The following GLYAT variants were observed in gnomAD, a reference collection of about 807,000 sequenced individuals.
GLYAT encodes glycine N-acyltransferase.
A neutral mutation model predicts 22.8 loss-of-function variants in GLYAT; 25 were observed. The ratio of observed to expected loss-of-function variants is 1.09; its 90% CI spans 0.80 to 1.53. GLYAT has a LOEUF of 1.53. GLYAT is among the 40% of genes most tolerant of loss of function. The probability of loss-of-function intolerance (pLI) is 0.00; values close to 1 mark genes in which losing one functional copy is unlikely to be tolerated. For synonymous variants in GLYAT, 140 were observed against 122.7 expected, an observed-to-expected ratio of 1.14 and a Z score of -0.93; for missense variants, 411 against 353.9, an observed-to-expected ratio of 1.16 and a Z score of -1.29.
At chr11:58,717,870 T>C (rs1237827424) in intron 2 of GLYAT, among the ~76,000 whole-genome samples, 1 of 152,082 alleles carries the variant, frequency 6.6e-6, no homozygotes, top group African/African-American at 2.4e-5. Flanking sequence ...CTTTGTTCCA[T>C]AGGAGGAGTC....
At chr11:58,724,801 T>G (rs1798579486) in intron 1 of GLYAT, among the ~76,000 whole-genome samples, 2 of 152,146 alleles carry the variant, frequency 1.3e-5, no homozygotes, top group South Asian at 4.1e-4. Context: ...TTAGTTGCTA[T>G]TAGTGATTCT....
At chr11:58,720,653 G>A (rs1856738099) in intron 2 of GLYAT, among the ~76,000 whole-genome samples, 1 of 152,022 alleles carries the variant, frequency 6.6e-6, no homozygotes, top group Middle Eastern at 3.2e-3. Flanking sequence ...AGGATTAGAA[G>A]TTATGGTGAT....
In GLYAT at chr11:58,710,000, C is replaced by G. The variant is rs1248750210; in HGVS notation, c.657G>C (p.Trp219Cys). The change falls in exon 6 of 6, where the codon TGG (tryptophan) becomes TGC (cysteine). Residue 219 changes from tryptophan to cysteine, a missense_variant. By Grantham distance (215) the Trp-to-Cys change is radical. Transcript: ENST00000344743. ...LLGPEGTPVC[W>C]DLMDQTGEMR... Reference sequence around the variant, plus strand: ...TCTCTCCAGTCTGGTCCATTAGATCCCAGCACACAGGGGTCCCCTCAGGCC... The same window carrying G: ...TCTCTCCAGTCTGGTCCATTAGATCGCAGCACACAGGGGTCCCCTCAGGCC... The G allele has an allele frequency of 1.9e-6, 3 of 1,613,980 alleles. No individual in the cohort carries two copies. Among genetic ancestry groups the G allele is most frequent in the Non-Finnish European group, 2.5e-6 (3 of 1,179,984 alleles).
At chr11:58,726,398 G>T (rs1397971047) in intron 1 of GLYAT, among the ~76,000 whole-genome samples, 1 of 152,120 alleles carries the variant, frequency 6.6e-6, no homozygotes, top group African/African-American at 2.4e-5. Context: ...GGCAGTAGTA[G>T]CCAGCCAGGT....
intron 2 of GLYAT, among the ~76,000 whole-genome samples, chr11:58,719,892 A>T (rs1245813647): frequency 6.6e-6 from 1 of 152,048 alleles, no homozygotes; most frequent in Non-Finnish European, 1.5e-5. Flanking sequence ...CTTTTTAAAT[A>T]TAGAAATCCT....
chr11:58,714,776 C>A (rs72925778), intron 3 of GLYAT, among the ~76,000 whole-genome samples: 27,711 of 152,062 alleles, frequency 0.18, 2,686 homozygotes, highest in East Asian at 0.26. Context: ...GTAAGTTTCC[C>A]GAGGCCTTCC....
At chr11:58,725,036 C>T (rs1478248312) in intron 1 of GLYAT, among the ~76,000 whole-genome samples, 2 of 152,088 alleles carry the variant, frequency 1.3e-5, no homozygotes, top group Non-Finnish European at 2.9e-5. Context: ...CTCTTTTCCT[C>T]CTCTTCCTTT....
At chr11:58,715,686 C>T (rs545944442) in intron 2 of GLYAT, among the ~76,000 whole-genome samples, 7 of 152,212 alleles carry the variant, frequency 4.6e-5, no homozygotes, top group South Asian at 2.1e-4. Flanking sequence ...AATAAAATTA[C>T]TGATATTTGC....
rs1856603487 is a variant in GLYAT at position 58,710,635 on chromosome 11, A to T, written c.443T>A (p.Leu148Gln). 1 of 1,609,464 alleles carries T rather than the reference A, an allele frequency of 6.2e-7. No individual in the cohort carries two copies. The highest frequency in any genetic ancestry group is 1.3e-5 in the African/African-American group (1 of 74,970). ...ETAKELTPFL[L>Q]KSKILSPNGG... ...ATTGGGAGATAAAATCTTTGATTTC[A>T]GCAGGAAAGGAGTCAGTTCCTTGGC... Residue 148 changes from leucine (L) to glutamine (Q), a missense_variant, in exon 5 of 6, where the codon CTG becomes CAG. Physicochemically the swap from Leu to Gln is moderately radical, Grantham distance 113. Transcript: ENST00000344743.
intron 4 of GLYAT, 126 bp downstream of exon 4, chr11:58,712,634 A>T (rs1366748535): frequency 3.2e-5 from 26 of 818,386 alleles, no homozygotes; most frequent in Non-Finnish European, 5.1e-5. Flanking sequence ...AGATATAGTT[A>T]CCACACAGTA....
At chr11:58,727,912 G>A (rs1156863095) in intron 1 of GLYAT, among the ~76,000 whole-genome samples, 1 of 152,076 alleles carries the variant, frequency 6.6e-6, no homozygotes, top group Non-Finnish European at 1.5e-5. Flanking sequence ...AGGGAGAATG[G>A]ACACAAGAGC....
chr11:58,711,729 T>C (rs1297106009), intron 4 of GLYAT, among the ~76,000 whole-genome samples: 2 of 152,170 alleles, frequency 1.3e-5, no homozygotes, highest in East Asian at 3.9e-4. Flanking sequence ...TTTGCACATA[T>C]CTCCTGGAAT....
chr11:58,724,324 C>CA, intron 2 of GLYAT, 92 bp downstream of exon 2: 3 of 623,632 alleles, frequency 4.8e-6, no homozygotes, highest in Non-Finnish European at 8.5e-6. Context: ...GTGCCTGGCT[C>CA]AAAATAGGTG....
rs200442404 is a variant in GLYAT at position 58,710,687 on chromosome 11, G to A, written c.391C>T (p.Arg131Cys). Residue 131 changes from arginine to cysteine, a missense_variant, in exon 5 of 6, where the codon CGC becomes TGC. Coordinates refer to ENST00000344743, the MANE Select transcript of GLYAT (RefSeq NM_201648.3). ...GTTTCAGCTGCCATATAGAGAATGC[G>A]TTGTGTTTGTTTGACTTTGAAGGAC... ...IKSFKVKQTQ[R>C]ILYMAAETAK... is the part of the protein sequence containing the mutation. 5.1e-4 allele frequency: 823 copies of A among 1,613,202 alleles called. 8 individuals are homozygous for A. The South Asian group carries it at 8.0e-3, about 16-fold the overall frequency.
chr11:58,723,752 C>A (rs531894716), intron 2 of GLYAT, among the ~76,000 whole-genome samples: 6 of 151,846 alleles, frequency 4.0e-5, no homozygotes, highest in Non-Finnish European at 8.8e-5. Flanking sequence ...TGGAACTGCT[C>A]TTGCATAGTT....
rs1856589031 is a variant in GLYAT, at chr11:58,709,895, C to T, written c.762G>A (p.Leu254=). 2 of 1,614,106 alleles carry T rather than the reference C, an allele frequency of 1.2e-6. No individual in the cohort carries two copies. The highest frequency in any genetic ancestry group is 2.2e-5 in the East Asian group (1 of 44,882). Residue 254 remains leucine (L), a synonymous_variant, in exon 6 of 6, where the codon TTG becomes TTA. Transcript: ENST00000344743. ...TYVIYSHAQK[L]GKLGFPVYSH... is the part of the protein sequence containing the mutation. Reference sequence around the variant, plus strand: ...AATAGACAGGAAACCCAAGTTTGCCCAATTTCTGGGCGTGGGAATAGATGA... The same window carrying T: ...AATAGACAGGAAACCCAAGTTTGCCTAATTTCTGGGCGTGGGAATAGATGA...
At chr11:58,721,099 A>T (rs557121749) in intron 2 of GLYAT, among the ~76,000 whole-genome samples, 2 of 152,118 alleles carry the variant, frequency 1.3e-5, no homozygotes, top group East Asian at 3.9e-4. Flanking sequence ...TATAAAGATG[A>T]ATTAGGCATG....
chr11:58,727,448 G>A (rs1856821974), intron 1 of GLYAT, among the ~76,000 whole-genome samples: 1 of 152,178 alleles, frequency 6.6e-6, no homozygotes, highest in African/African-American at 2.4e-5. Flanking sequence ...GAGATACAGG[G>A]TGCAGCTTCT....
chr11:58,717,453 T>C (rs1449173659), intron 2 of GLYAT, among the ~76,000 whole-genome samples: 1 of 152,014 alleles, frequency 6.6e-6, no homozygotes, highest in Non-Finnish European at 1.5e-5. Context: ...TGTAAACAGG[T>C]TGCTGTTATT....
Sources: gnomAD v4.1 joint callset for allele counts (sites outside exome capture counted in the v4.1 genomes callset) on GRCh38, gnomAD v4.1.1 for gene constraint, MANE v1.5 for transcripts, NCBI Gene and HGNC (gene_info 2026-07-23, HGNC 2026-07-21) for gene names.